Variants in RAF1 observed in about 807,000 individuals in gnomAD.
RAF1 encodes the protein Raf-1 proto-oncogene, serine/threonine kinase.
Under a neutral mutation model 81.1 loss-of-function variants are expected in RAF1, and 27 were observed. The observed-to-expected ratio is 0.33, with a 90% confidence interval of 0.25 to 0.46. The LOEUF (loss-of-function observed/expected upper bound fraction) is 0.46, where lower values mean the gene tolerates loss of function less well. Among genes scored for constraint, RAF1 ranks in the 20% least tolerant of loss-of-function variants. The probability of loss-of-function intolerance (pLI) is 1.00; values close to 1 mark genes in which losing one functional copy is unlikely to be tolerated. For missense variants in RAF1, 598 were observed against 826.0 expected (o/e 0.72, Z 3.38); for synonymous variants, 298 against 294.0 (o/e 1.01, Z -0.14).
intron 1 of RAF1, among the ~76,000 whole-genome samples, chr3:12,650,487 A>G (rs1016192154): frequency 1.3e-5 from 2 of 152,156 alleles, no homozygotes; most frequent in Non-Finnish European, 2.9e-5. Flanking sequence ...CAATTACAAT[A>G]TTTTCCTAAC....
chr3:12,609,123 T>G (rs1645661515), intron 4 of RAF1, 110 bp downstream of exon 4: 9 of 1,077,676 alleles, frequency 8.4e-6, no homozygotes, highest in Middle Eastern at 2.1e-4. Flanking sequence ...ATAAAGAACT[T>G]TAAACAATCC....
chr3:12,638,788 C>T (rs1261961824), intron 1 of RAF1, among the ~76,000 whole-genome samples: 1 of 152,178 alleles, frequency 6.6e-6, no homozygotes, highest in African/African-American at 2.4e-5. Flanking sequence ...GTAATCCCAA[C>T]ACTTTGGGAG....
At chr3:12,661,118 T>C (rs1024690507) in intron 1 of RAF1, among the ~76,000 whole-genome samples, 2 of 152,176 alleles carry the variant, frequency 1.3e-5, no homozygotes, top group Non-Finnish European at 2.9e-5. Context: ...TGTTCTTCAG[T>C]GGTATATAAT....
intron 1 of RAF1, among the ~76,000 whole-genome samples, chr3:12,651,985 G>A (rs1418637922): frequency 6.7e-6 from 1 of 150,242 alleles, no homozygotes; most frequent in South Asian, 2.1e-4. Flanking sequence ...CTCTAGCCTG[G>A]GCAACAAGAG....
In RAF1 at chr3:12,650,145, CAAAAAAAAAA is replaced by C. The variant is rs36098034; in HGVS notation, c.-27+13658_-27+13667del. On this transcript the variant is annotated intron_variant, in intron 1 of 17. Transcript: ENST00000442415. The stretch of plus-strand genomic sequence containing the variant: ...CGGGAGACAGTGCGAGACTCCATCT[CAAAAAAAAAA>C]AAAAAAAAAAAAAAAAAAATTTAAT... Among the ~76,000 whole-genome samples, 126 of 76,968 alleles carry C rather than the reference CAAAAAAAAAA, an allele frequency of 1.6e-3. 1 individual carries two copies. The highest frequency in any genetic ancestry group is 7.8e-3 in the Middle Eastern group (1 of 128). The allele number at this position is 76,968 out of a possible 152,430, so 50.5% of individuals were successfully genotyped here.
At chr3:12,625,659 T>C (rs892488580) in intron 1 of RAF1, among the ~76,000 whole-genome samples, 2 of 151,934 alleles carry the variant, frequency 1.3e-5, no homozygotes, top group Non-Finnish European at 2.9e-5. Flanking sequence ...CAGGAAAGAA[T>C]ACTGCCCCCA....
chr3:12,644,563 G>C (rs1282217285), intron 1 of RAF1, among the ~76,000 whole-genome samples: 1 of 152,180 alleles, frequency 6.6e-6, no homozygotes, highest in East Asian at 1.9e-4. Context: ...TTAGGGTTAA[G>C]GATGACTTTG....
At position 12,586,646 on chromosome 3, in the gene RAF1, T is replaced by C. The variant is rs553008607; in HGVS notation, c.1478-847A>G. Among the ~76,000 whole-genome samples, 45 of 152,260 alleles carry C rather than the reference T, an allele frequency of 3.0e-4. 1 individual carries two copies. Among genetic ancestry groups the C allele is most frequent in the Admixed American group, 5.9e-4 (9 of 15,292 alleles). ...CTCTCACTGCTCAAGAGGCAAAACG[T>C]GGGTTGTAATGCCATCTTTCTTTCA... On this transcript the variant is annotated intron_variant, in intron 14 of 17. Transcript: ENST00000442415.
At chr3:12,596,592 G>T (rs886712195) in intron 11 of RAF1, among the ~76,000 whole-genome samples, 6 of 152,324 alleles carry the variant, frequency 3.9e-5, no homozygotes, top group Admixed American at 2.0e-4. Flanking sequence ...TGCACCTGAG[G>T]CTTCTGAGTT....
intron 1 of RAF1, among the ~76,000 whole-genome samples, chr3:12,649,498 CT>C (rs1306933622): frequency 6.6e-6 from 1 of 152,050 alleles, no homozygotes; most frequent in African/African-American, 2.4e-5. Context: ...ACTAAGGAGG[CT>C]GAGGCGGGAG....
chr3:12,618,031 GA>G (rs543801687), intron 2 of RAF1, among the ~76,000 whole-genome samples: 184 of 152,262 alleles, frequency 1.2e-3, no homozygotes, highest in South Asian at 8.9e-3. Flanking sequence ...CCCTGAAAAA[GA>G]AGATTCTATG....
chr3:12,594,102 C>G (rs1256771050), intron 11 of RAF1, among the ~76,000 whole-genome samples: 2 of 151,926 alleles, frequency 1.3e-5, no homozygotes, highest in African/African-American at 4.8e-5. Flanking sequence ...GATTTGGACA[C>G]CTGTAGGAGA....
chr3:12,627,544 T>G (rs571159630), intron 1 of RAF1, among the ~76,000 whole-genome samples: 2 of 152,360 alleles, frequency 1.3e-5, no homozygotes, highest in African/African-American at 2.4e-5. Flanking sequence ...CTTAGCTTTC[T>G]GTAGTCACCT....
intron 11 of RAF1, among the ~76,000 whole-genome samples, chr3:12,592,731 CTTTTTTTTTT>C (rs35189562): frequency 1.9e-5 from 2 of 107,226 alleles, no homozygotes; most frequent in East Asian, 2.3e-4. Context: ...TTAAAAGCCA[CTTTTTTTTTT>C]TTTTTTTTTT....
At chr3:12,591,217 T>C (rs2058505651) in intron 12 of RAF1, among the ~76,000 whole-genome samples, 2 of 152,176 alleles carry the variant, frequency 1.3e-5, no homozygotes, top group Admixed American at 1.3e-4. Context: ...AGAGAGGACA[T>C]TCTCTTTCAT....
intron 1 of RAF1, among the ~76,000 whole-genome samples, chr3:12,634,431 T>A (rs2059958852): frequency 6.6e-6 from 1 of 151,984 alleles, no homozygotes; most frequent in Non-Finnish European, 1.5e-5. Context: ...GATTACGGGC[T>A]TGAGCCACCG....
intron 11 of RAF1, among the ~76,000 whole-genome samples, chr3:12,596,000 C>G (rs1180431229): frequency 6.7e-6 from 1 of 149,966 alleles, no homozygotes; most frequent in Non-Finnish European, 1.5e-5. Context: ...CTCAGTTTCT[C>G]GAGTAGCGGG....
intron 1 of RAF1, among the ~76,000 whole-genome samples, chr3:12,662,879 G>A (rs1162923862): frequency 6.6e-6 from 1 of 151,990 alleles, no homozygotes; most frequent in African/African-American, 2.4e-5. Flanking sequence ...CGCAGGGAGG[G>A]CAGAGTCTCT....
chr3:12,636,608 A>T (rs1320916446), intron 1 of RAF1, among the ~76,000 whole-genome samples: 2 of 151,902 alleles, frequency 1.3e-5, no homozygotes, highest in East Asian at 3.9e-4. Context: ...GAAGTTCAAG[A>T]CCAGCCTGGG....
Sources: allele counts gnomAD v4.1 joint callset (sites outside exome capture counted in the v4.1 genomes callset), GRCh38; gene constraint gnomAD v4.1.1; transcripts MANE v1.5; gene names NCBI Gene and HGNC (gene_info 2026-07-23, HGNC 2026-07-21).